ANKRD11: variants seen among roughly 807,000 people sequenced by gnomAD.
The protein encoded by ANKRD11 is ankyrin repeat domain 11.
In ANKRD11, 17 loss-of-function variants were observed where a neutral mutation model predicts 195.7. That is an observed-to-expected ratio of 0.09 (90% CI 0.06 to 0.13). The LOEUF is 0.13. ANKRD11 is among the 10% of genes least tolerant of loss of function. The pLI is 1.00. For missense variants in ANKRD11, 3,735 were observed against 3,566.1 expected, an observed-to-expected ratio of 1.05 and a Z score of -1.21; for synonymous variants, 1,953 against 1,528.1, an observed-to-expected ratio of 1.28 and a Z score of -6.49.
chr16:89,416,678 C>A (rs1597341422), intron 2 of ANKRD11, among the ~76,000 whole-genome samples: 2 of 151,230 alleles, frequency 1.3e-5, no homozygotes, highest in African/African-American at 4.9e-5. Context: ...ACCTGTAATC[C>A]CAGCACTTTG....
intron 1 of ANKRD11, among the ~76,000 whole-genome samples, chr16:89,476,417 A>T (rs538000075): frequency 6.0e-4 from 92 of 152,350 alleles, no homozygotes; most frequent in African/African-American, 2.2e-3. Flanking sequence ...ATAGCAAAGC[A>T]AACTACCTGC....
Position 89,283,861 on chromosome 16 carries a change from G to A in ANKRD11, c.2681C>T (p.Ala894Val). ...CTCTCTGTAGTCTCGCTTCTCCCGG[G>A]CCCGGCTGTCCCGCCTCCTCTCCTT... The part of the protein sequence containing the change: ...DSKERRRDSR[A>V]REKRDYREPF... Residue 894 changes from alanine (A) to valine (V), a missense_variant, in exon 9 of 13, where the codon GCC (alanine) becomes GTC (valine). Physicochemically the swap from Ala to Val is moderately conservative, Grantham distance 64. Coordinates refer to ENST00000301030, the MANE Select transcript of ANKRD11 (RefSeq NM_013275.6). The surrounding 1 kb of genome is among the most constrained non-coding windows in gnomAD (Gnocchi z 4.3). The A allele has an allele frequency of 6.2e-7, 1 of 1,614,000 alleles. No individual in the cohort carries two copies.
chr16:89,359,734 T>C (rs2039648675), intron 2 of ANKRD11, among the ~76,000 whole-genome samples: 1 of 152,212 alleles, frequency 6.6e-6, no homozygotes, highest in Admixed American at 6.5e-5. Flanking sequence ...TCTTCATATC[T>C]GAGTCTCAAC....
At chr16:89,393,489 GCTTTT>G (rs1452499862) in intron 2 of ANKRD11, among the ~76,000 whole-genome samples, 1 of 93,238 alleles carries the variant, frequency 1.1e-5, no homozygotes, top group Non-Finnish European at 2.2e-5. Flanking sequence ...ATATCCAGCT[GCTTTT>G]TTTTTTTTTT....
intron 4 of ANKRD11, 117 bp downstream of exon 4, chr16:89,305,089 G>C: frequency 6.9e-7 from 1 of 1,453,184 alleles, no homozygotes; most frequent in South Asian, 1.3e-5. Flanking sequence ...ACGGCGTGCA[G>C]GGTGCTAGAG....
chr16:89,375,368 C>T (rs1219729884), intron 2 of ANKRD11, among the ~76,000 whole-genome samples: 1 of 152,200 alleles, frequency 6.6e-6, no homozygotes, highest in Admixed American at 6.5e-5. Context: ...ATAAATGGAT[C>T]GTTTGAGCCC....
At chr16:89,486,209 T>C (rs961277099) in intron 1 of ANKRD11, among the ~76,000 whole-genome samples, 1 of 151,922 alleles carries the variant, frequency 6.6e-6, no homozygotes, top group Non-Finnish European at 1.5e-5. Flanking sequence ...CCCAACACTT[T>C]AGGAGACTGA....
intron 2 of ANKRD11, among the ~76,000 whole-genome samples, chr16:89,348,521 CT>C (rs1304566591): frequency 6.6e-6 from 1 of 152,162 alleles, no homozygotes; most frequent in Non-Finnish European, 1.5e-5. Context: ...ATATAACTGA[CT>C]TTCCTTATTC....
intron 2 of ANKRD11, among the ~76,000 whole-genome samples, chr16:89,413,899 A>C (rs894364644): frequency 6.6e-6 from 1 of 152,134 alleles, no homozygotes; most frequent in Non-Finnish European, 1.5e-5. Flanking sequence ...GGGTGGTACC[A>C]AAAACAGCAG....
chr16:89,318,217 G>A (rs951204702), intron 2 of ANKRD11, among the ~76,000 whole-genome samples: 4 of 152,066 alleles, frequency 2.6e-5, no homozygotes, highest in African/African-American at 9.7e-5. Context: ...CCCACGCCAC[G>A]CCTGGCATGG....
intron 2 of ANKRD11, chr16:89,328,853 G>A (rs1402183574): frequency 8.3e-6 from 1 of 119,954 alleles, no homozygotes; most frequent in Admixed American, 8.3e-5. Context: ...GAGCACGGGC[G>A]AAATCAGTGG....
chr16:89,417,844 A>C (rs986737190), intron 2 of ANKRD11, among the ~76,000 whole-genome samples: 2 of 152,014 alleles, frequency 1.3e-5, no homozygotes, highest in Non-Finnish European at 2.9e-5. Flanking sequence ...ACCAGGCAAG[A>C]CCACCAGGAT....
chr16:89,405,995 G>A (rs2041891542), intron 2 of ANKRD11, among the ~76,000 whole-genome samples: 3 of 151,742 alleles, frequency 2.0e-5, no homozygotes, highest in East Asian at 1.9e-4. Context: ...CTGCAATCTC[G>A]GCTACTCAGG....
chr16:89,343,120 C>G (rs1225688532), intron 2 of ANKRD11, among the ~76,000 whole-genome samples: 2 of 152,130 alleles, frequency 1.3e-5, no homozygotes, highest in African/African-American at 2.4e-5. Flanking sequence ...TCCCGAGTAG[C>G]TGGGATTACA....
intron 2 of ANKRD11, among the ~76,000 whole-genome samples, chr16:89,328,295 C>G (rs568996598): frequency 3.0e-4 from 46 of 152,320 alleles, no homozygotes; most frequent in Non-Finnish European, 5.1e-4. Flanking sequence ...GGCAGCCTTA[C>G]GAACCTAAGT....
At chr16:89,328,299 C>A (rs536476838) in intron 2 of ANKRD11, among the ~76,000 whole-genome samples, 1 of 152,334 alleles carries the variant, frequency 6.6e-6, no homozygotes, top group East Asian at 1.9e-4. Flanking sequence ...GCCTTACGAA[C>A]CTAAGTGTGC....
At position 89,268,397 on chromosome 16, in the gene ANKRD11, CCCT is replaced by C. The variant is rs1281936281; in HGVS notation, c.*78_*80del. 3.1e-6 allele frequency: 2 copies of C among 655,556 alleles called. No homozygotes were observed. The highest frequency in any genetic ancestry group is 2.3e-5 in the African/African-American group (1 of 43,160). The allele number at this position is 655,556 out of a possible 1,614,324, so 40.6% of individuals were successfully genotyped here. ...TCCCCGCCCGGGTGGACAGGGCGCT[CCCT>C]CCTCCGCCCCTGGGGCTCAGCAGCA... On this transcript the variant is annotated 3_prime_UTR_variant, in exon 13 of 13. Transcript: ENST00000301030.
At chr16:89,398,038 AAAATT>A (rs1201928941) in intron 2 of ANKRD11, among the ~76,000 whole-genome samples, 1 of 152,268 alleles carries the variant, frequency 6.6e-6, no homozygotes, top group African/African-American at 2.4e-5. Flanking sequence ...CTATGTGAAT[AAAATT>A]AAATTGTGTT....
chr16:89,269,917 T>TCAAA (rs1477392589), intron 12 of ANKRD11: 4 of 152,252 alleles, frequency 2.6e-5, no homozygotes, highest in African/African-American at 7.2e-5. Context: ...TTTAATGTAG[T>TCAAA]CAAACATTTA....
Sources: gnomAD v4.1 joint callset for allele counts (sites outside exome capture counted in the v4.1 genomes callset) on GRCh38, gnomAD v4.1.1 for gene constraint, Gnocchi (gnomAD v3.1) non-coding constraint, MANE v1.5 for transcripts, NCBI Gene and HGNC (gene_info 2026-07-23, HGNC 2026-07-21) for gene names.